Variants in PLXNC1 observed in about 807,000 individuals in gnomAD.
PLXNC1 encodes the protein plexin-C1.
In PLXNC1, 75 loss-of-function variants were observed where a neutral mutation model predicts 178.2. That is an observed-to-expected ratio of 0.42 (90% CI 0.35 to 0.51). The LOEUF is 0.51. Ranked by LOEUF, PLXNC1 falls within the 20% of genes least tolerant of loss-of-function variation. The pLI, the probability that PLXNC1 is intolerant of heterozygous loss-of-function variation, is 0.02. For synonymous variants in PLXNC1, 790 were observed against 779.9 expected, an observed-to-expected ratio of 1.01 and a Z score of -0.22; for missense variants, 1,503 against 1,984.4, an observed-to-expected ratio of 0.76 and a Z score of 4.61.
intron 7 of PLXNC1, among the ~76,000 whole-genome samples, chr12:94,225,095 G>A (rs1963902634): frequency 6.6e-6 from 1 of 152,126 alleles, no homozygotes; most frequent in Non-Finnish European, 1.5e-5. Flanking sequence ...AGCTACATAG[G>A]CCCCTGAGTT....
intron 4 of PLXNC1, among the ~76,000 whole-genome samples, chr12:94,209,260 C>T (rs1411061923): frequency 6.6e-6 from 1 of 152,140 alleles, no homozygotes; most frequent in African/African-American, 2.4e-5. Context: ...AAAGGGAGCT[C>T]CCTATTTCAG....
At chr12:94,277,448 G>A (rs1966052880) in intron 21 of PLXNC1, among the ~76,000 whole-genome samples, 1 of 152,148 alleles carries the variant, frequency 6.6e-6, no homozygotes, top group African/African-American at 2.4e-5. Flanking sequence ...CCACGTCAGT[G>A]GTCCATAAGT....
intron 1 of PLXNC1, among the ~76,000 whole-genome samples, chr12:94,163,168 A>G (rs1045977020): frequency 3.9e-5 from 6 of 152,134 alleles, no homozygotes; most frequent in Admixed American, 1.3e-4. Flanking sequence ...GTTCAAGACC[A>G]GCCTAGCCAA....
intron 22 of PLXNC1, 84 bp downstream of exon 22, chr12:94,279,733 G>A: frequency 8.7e-7 from 1 of 1,152,328 alleles, no homozygotes; most frequent in South Asian, 1.3e-5. Flanking sequence ...CCCCCTCCCT[G>A]CCCCCACCAG....
At chr12:94,304,701 C>T (rs1431835433) in intron 30 of PLXNC1, among the ~76,000 whole-genome samples, 1 of 152,042 alleles carries the variant, frequency 6.6e-6, no homozygotes. Context: ...AGGGTAGAGG[C>T]AATGAGTTCT....
chr12:94,301,174 T>C (rs901469018), intron 28 of PLXNC1, 117 bp downstream of exon 28: 25 of 677,200 alleles, frequency 3.7e-5, no homozygotes, highest in Non-Finnish European at 5.1e-5. Flanking sequence ...TAAAAAGAGA[T>C]AGCAAGGGCC....
chr12:94,160,561 C>T (rs1961346244), intron 1 of PLXNC1, among the ~76,000 whole-genome samples: 1 of 152,158 alleles, frequency 6.6e-6, no homozygotes, highest in Admixed American at 6.6e-5. Context: ...ATCATTGACC[C>T]CTTTTAAAAA....
intron 2 of PLXNC1, among the ~76,000 whole-genome samples, chr12:94,173,036 A>G (rs1429523911): frequency 6.6e-6 from 1 of 152,094 alleles, no homozygotes; most frequent in Non-Finnish European, 1.5e-5. Flanking sequence ...TCGTGAGGTG[A>G]GTTATGTCTA....
At chr12:94,284,530 T>C (rs1238737622) in intron 23 of PLXNC1, among the ~76,000 whole-genome samples, 1 of 152,144 alleles carries the variant, frequency 6.6e-6, no homozygotes, top group Non-Finnish European at 1.5e-5. Flanking sequence ...TCAGATGTCT[T>C]TCACTGTTAT....
At chr12:94,240,346 G>GAGTC (rs1964354674) in intron 10 of PLXNC1, 139 bp from the exon 11 acceptor site, 2 of 622,850 alleles carry the variant, frequency 3.2e-6, no homozygotes, top group Non-Finnish European at 5.6e-6. Flanking sequence ...GGCCCCTCAT[G>GAGTC]AGTCAGTAGT....
chr12:94,230,047 C>T (rs1020422963), intron 9 of PLXNC1, among the ~76,000 whole-genome samples: 5 of 152,236 alleles, frequency 3.3e-5, no homozygotes, highest in African/African-American at 7.2e-5. Context: ...ACAGCTCTAT[C>T]ATCACAAGGC....
At chr12:94,227,311 G>T in intron 9 of PLXNC1, 76 bp downstream of exon 9, 1 of 820,810 alleles carries the variant, frequency 1.2e-6, no homozygotes, top group Admixed American at 2.5e-5. Flanking sequence ...TACTACTTTG[G>T]GTTCCTTAAA....
At chr12:94,298,330 T>TAAAC (rs1968134226) in intron 26 of PLXNC1, among the ~76,000 whole-genome samples, 1 of 152,248 alleles carries the variant, frequency 6.6e-6, no homozygotes, top group African/African-American at 2.4e-5. Flanking sequence ...CTGGTTTATG[T>TAAAC]AAACAGCCCT....
chr12:94,299,551 T>C (rs920836446), intron 27 of PLXNC1, among the ~76,000 whole-genome samples: 1 of 147,032 alleles, frequency 6.8e-6, no homozygotes, highest in African/African-American at 2.5e-5. Flanking sequence ...TCCCTTCTCT[T>C]CCTGTGTTCT....
chr12:94,219,340 GT>G (rs1963727448), intron 5 of PLXNC1, among the ~76,000 whole-genome samples: 5 of 152,134 alleles, frequency 3.3e-5, no homozygotes, highest in Admixed American at 3.3e-4. Context: ...AAGGAGGTTT[GT>G]TTTTGTTTAA....
At chr12:94,203,360 G>A (rs138631711) in intron 4 of PLXNC1, among the ~76,000 whole-genome samples, 115 of 152,332 alleles carry the variant, frequency 7.5e-4, no homozygotes, top group African/African-American at 2.6e-3. Flanking sequence ...GAGAAGTCCT[G>A]CAGCAGAGAG....
intron 21 of PLXNC1, among the ~76,000 whole-genome samples, chr12:94,274,791 C>A (rs987808582): frequency 6.6e-6 from 1 of 152,224 alleles, no homozygotes; most frequent in Non-Finnish European, 1.5e-5. Context: ...TTCTTGCTGG[C>A]TGACCTTGTG....
In PLXNC1 at chr12:94,149,457, G is replaced by T; in HGVS notation, c.486G>T (p.Thr162=). ...EVVSCHPQGS[T]AGVVYRAGRN... is the part of the protein sequence containing the mutation. ...TGTCGTGCCACCCGCAGGGCTCGAC[G>T]GCCGGCGTGGTGTACCGCGCGGGCC... is the stretch of plus-strand genomic sequence containing the variant. Residue 162 remains threonine, a synonymous_variant, in exon 1 of 31, where the codon ACG becomes ACT. Transcript: ENST00000258526. 2 of 1,465,676 alleles carry T rather than the reference G, an allele frequency of 1.4e-6. No homozygotes were observed. Among genetic ancestry groups the T allele is most frequent in the African/African-American group, 2.9e-5 (2 of 68,928 alleles). 90.8% of individuals were successfully genotyped at this position (1,465,676 alleles called of 1,614,324 possible).
Position 94,185,555 on chromosome 12 carries a change from G to T in PLXNC1, c.1339-818G>T, listed in dbSNP as rs189710582. Among the ~76,000 whole-genome samples, 209 of 152,320 alleles carry T rather than the reference G, an allele frequency of 1.4e-3. 5 individuals carry two copies. In the Middle Eastern group the frequency reaches 0.017, roughly 12 times the overall value. ...AGATGTCTGGGTCTGCCCAGCTGGG[G>T]TGCCCTCTTTGTGGGCTGCTGTTTC... On this transcript the variant is annotated intron_variant, in intron 3 of 30. Transcript: ENST00000258526.
Sources: gnomAD v4.1 joint callset for allele counts (sites outside exome capture counted in the v4.1 genomes callset) on GRCh38, gnomAD v4.1.1 for gene constraint, MANE v1.5 for transcripts, NCBI Gene and HGNC (gene_info 2026-07-23, HGNC 2026-07-21) for gene names.